RGS7: variants seen among roughly 807,000 people sequenced by gnomAD.
RGS7 encodes regulator of G-protein signaling 7.
A neutral mutation model predicts 81.1 loss-of-function variants in RGS7; 27 were observed. The observed-to-expected ratio is 0.33, with a 90% CI of 0.25 to 0.46. The LOEUF is 0.46. RGS7 is among the 20% of genes least tolerant of loss of function. RGS7 has a pLI of 1.00. For synonymous variants in RGS7, 208 were observed against 207.7 expected (o/e 1.00, Z -0.01); for missense variants, 396 against 607.4 (o/e 0.65, Z 3.66).
chr1:241,223,806 T>C (rs2075151964), intron 2 of RGS7, among the ~76,000 whole-genome samples: 2 of 151,996 alleles, frequency 1.3e-5, no homozygotes, highest in Admixed American at 6.6e-5. Flanking sequence ...TAGGATTTAA[T>C]GAGAAAATAT....
intron 3 of RGS7, among the ~76,000 whole-genome samples, chr1:241,009,191 T>C (rs980521453): frequency 6.6e-6 from 1 of 152,164 alleles, no homozygotes; most frequent in Non-Finnish European, 1.5e-5. Context: ...AAATATACCC[T>C]TCTAAACTGG....
intron 2 of RGS7, among the ~76,000 whole-genome samples, chr1:241,274,332 T>C (rs971025359): frequency 6.6e-6 from 1 of 152,236 alleles, no homozygotes; most frequent in African/African-American, 2.4e-5. Context: ...AGACACCTAA[T>C]TGGTAGTATT....
At chr1:240,942,181 T>A (rs1202107488) in intron 4 of RGS7, among the ~76,000 whole-genome samples, 1 of 152,082 alleles carries the variant, frequency 6.6e-6, no homozygotes, top group Non-Finnish European at 1.5e-5. Flanking sequence ...CGAAGAGAAT[T>A]CTCCACAGCA....
chr1:241,024,659 C>A (rs962133691), intron 3 of RGS7, among the ~76,000 whole-genome samples: 6 of 152,152 alleles, frequency 3.9e-5, no homozygotes, highest in African/African-American at 1.2e-4. Context: ...AATTATGGAG[C>A]AGAAAGTCAA....
intron 2 of RGS7, among the ~76,000 whole-genome samples, chr1:241,207,000 G>A (rs534521789): frequency 5.7e-5 from 6 of 105,308 alleles, no homozygotes; most frequent in Admixed American, 1.5e-4. Context: ...ATGGAGTCTC[G>A]CTCTGTTGCC....
chr1:240,913,270 A>C (rs930730742), intron 6 of RGS7, among the ~76,000 whole-genome samples: 1 of 152,226 alleles, frequency 6.6e-6, no homozygotes, highest in African/African-American at 2.4e-5. Flanking sequence ...CATACAGTAC[A>C]TTTATATGCA....
chr1:240,781,298 G>A (rs535049155), intron 18 of RGS7, among the ~76,000 whole-genome samples: 5 of 152,320 alleles, frequency 3.3e-5, no homozygotes, highest in Non-Finnish European at 5.9e-5. Context: ...ACATACAGGT[G>A]TATTTTAACA....
intron 10 of RGS7, among the ~76,000 whole-genome samples, chr1:240,825,939 A>G (rs534719511): frequency 6.6e-6 from 1 of 152,340 alleles, no homozygotes; most frequent in Non-Finnish European, 1.5e-5. Context: ...CACCCAATAA[A>G]GTATTTCGAA....
chr1:240,851,938 C>G (rs1660183666), intron 9 of RGS7, among the ~76,000 whole-genome samples: 1 of 152,072 alleles, frequency 6.6e-6, no homozygotes, highest in Non-Finnish European at 1.5e-5. Context: ...AAATCTACTT[C>G]CGGTGAAGAT....
At chr1:240,850,691 C>T (rs899077630) in intron 9 of RGS7, among the ~76,000 whole-genome samples, 11 of 152,084 alleles carry the variant, frequency 7.2e-5, no homozygotes, top group African/African-American at 2.7e-4. Flanking sequence ...AGCCAAACAG[C>T]CAAGTTGTGA....
At chr1:241,125,427 G>GACAC (rs59757330) in intron 2 of RGS7, among the ~76,000 whole-genome samples, 40 of 149,356 alleles carry the variant, frequency 2.7e-4, no homozygotes, top group Admixed American at 5.4e-4. Flanking sequence ...CAAAGACATG[G>GACAC]ACACACACAC....
intron 5 of RGS7, among the ~76,000 whole-genome samples, chr1:240,934,876 C>CT (rs555195177): frequency 0.014 from 962 of 67,122 alleles, 322 homozygotes; most frequent in East Asian, 0.022. Flanking sequence ...CTTCACATGG[C>CT]TTTTTTTTTT....
intron 2 of RGS7, among the ~76,000 whole-genome samples, chr1:241,192,487 C>T (rs1206889002): frequency 6.6e-6 from 1 of 151,902 alleles, no homozygotes; most frequent in Non-Finnish European, 1.5e-5. Flanking sequence ...AGAATTTTTA[C>T]TTAGTGGGAT....
intron 3 of RGS7, among the ~76,000 whole-genome samples, chr1:241,071,731 G>T (rs932803174): frequency 2.8e-4 from 42 of 151,352 alleles, no homozygotes; most frequent in African/African-American, 9.7e-4. Flanking sequence ...AAAATTAGCT[G>T]GGCATGGTGG....
At chr1:240,877,862 A>G (rs990028215) in intron 6 of RGS7, among the ~76,000 whole-genome samples, 6 of 152,238 alleles carry the variant, frequency 3.9e-5, no homozygotes, top group Non-Finnish European at 8.8e-5. Flanking sequence ...AAGTTTAGAC[A>G]TGAGCATATA....
At chr1:240,957,943 G>A (rs1440233383) in intron 4 of RGS7, among the ~76,000 whole-genome samples, 7 of 152,148 alleles carry the variant, frequency 4.6e-5, no homozygotes, top group Admixed American at 2.0e-4. Flanking sequence ...AGCCAGAGAC[G>A]ATTTTACAGA....
chr1:241,012,182 A>G (rs1410409717), intron 3 of RGS7, among the ~76,000 whole-genome samples: 2 of 152,172 alleles, frequency 1.3e-5, no homozygotes, highest in East Asian at 3.9e-4. Context: ...AGCTATATCA[A>G]TGCAGGAATA....
intron 2 of RGS7, among the ~76,000 whole-genome samples, chr1:241,259,667 A>AAAAAAAAAAAAAAAAAAAAAAAAAAAAT: frequency 4.1e-5 from 2 of 49,144 alleles, no homozygotes; most frequent in Non-Finnish European, 7.3e-5. Context: ...AAAAAAAAAA[A>AAAAAAAAAAAAAAAAAAAAAAAAAAAAT]ATATATATAT....
chr1:241,063,474 G>A (rs1022250980), intron 3 of RGS7, among the ~76,000 whole-genome samples: 8 of 152,132 alleles, frequency 5.3e-5, no homozygotes, highest in African/African-American at 1.9e-4. Flanking sequence ...CACTACAGCC[G>A]CTCAGCATGT....
Sources: allele counts gnomAD v4.1 joint callset (sites outside exome capture counted in the v4.1 genomes callset), GRCh38; gene constraint gnomAD v4.1.1; transcripts MANE v1.5; gene names NCBI Gene and HGNC (gene_info 2026-07-23, HGNC 2026-07-21).